Variants in SMAP1 observed in about 807,000 individuals in gnomAD.
The protein encoded by SMAP1 is small ArfGAP 1, also known as stromal membrane-associated protein 1.
In SMAP1, 24 loss-of-function variants were observed where a neutral mutation model predicts 58.5. That is an observed-to-expected ratio of 0.41 (90% CI 0.30 to 0.58). The LOEUF (loss-of-function observed/expected upper bound fraction) is 0.58, where lower values mean the gene tolerates loss of function less well. Ranked by LOEUF, SMAP1 falls within the 20% of genes least tolerant of loss-of-function variation. SMAP1 has a pLI of 0.29. For missense variants in SMAP1, 563 were observed against 566.3 expected (o/e 0.99, Z 0.06); for synonymous variants, 216 against 196.6 (o/e 1.10, Z -0.82).
chr6:70,745,848 G>C (rs960873737), intron 2 of SMAP1, among the ~76,000 whole-genome samples: 1 of 152,002 alleles, frequency 6.6e-6, no homozygotes, highest in Admixed American at 6.6e-5. Context: ...CTTTTATTTC[G>C]TTGAGCAGTG....
intron 6 of SMAP1, among the ~76,000 whole-genome samples, chr6:70,814,069 T>C (rs146743525): frequency 0.023 from 3,572 of 152,266 alleles, 51 homozygotes; most frequent in Non-Finnish European, 0.037. Flanking sequence ...TAAAAATGAT[T>C]GCACCTATTT....
chr6:70,747,588 A>G (rs1766097960), intron 2 of SMAP1, among the ~76,000 whole-genome samples: 1 of 152,176 alleles, frequency 6.6e-6, no homozygotes, highest in Non-Finnish European at 1.5e-5. Context: ...GCCTACAAAG[A>G]ATATATTGAG....
intron 4 of SMAP1, among the ~76,000 whole-genome samples, chr6:70,776,718 C>T (rs953605319): frequency 2.7e-4 from 41 of 152,250 alleles, no homozygotes; most frequent in African/African-American, 9.1e-4. Context: ...TCTTAGCTCA[C>T]ACAGAAGAAT....
chr6:70,698,874 C>T (rs904259271), intron 1 of SMAP1, among the ~76,000 whole-genome samples: 25 of 152,164 alleles, frequency 1.6e-4, no homozygotes, highest in African/African-American at 6.0e-4. Flanking sequence ...ATCTCTGTCA[C>T]TCTGGGATTG....
At chr6:70,827,500 T>G (rs1770184557) in intron 6 of SMAP1, among the ~76,000 whole-genome samples, 1 of 152,220 alleles carries the variant, frequency 6.6e-6, no homozygotes, top group Middle Eastern at 3.2e-3. Flanking sequence ...TATGCATGGC[T>G]GTAGCATAGA....
At chr6:70,697,819 C>T (rs1307895356) in intron 1 of SMAP1, among the ~76,000 whole-genome samples, 1 of 152,164 alleles carries the variant, frequency 6.6e-6, no homozygotes, top group East Asian at 1.9e-4. Flanking sequence ...TTAACTTCAT[C>T]CCCCACACTT....
Position 70,791,840 on chromosome 6 carries a change from C to T in SMAP1, c.495+71C>T. ...AAATTAACTTCCTTTTGCAGTGTGTCATTCGGGAACACTATAATAGTTGTT... is the reference window on the plus strand; with the variant it reads ...AAATTAACTTCCTTTTGCAGTGTGTTATTCGGGAACACTATAATAGTTGTT... On this transcript the variant is annotated intron_variant, in intron 5 of 10. Coordinates refer to ENST00000370455, the MANE Select transcript of SMAP1 (RefSeq NM_001044305.3). 2.4e-6 allele frequency: 3 copies of T among 1,252,386 alleles called. No individual in the cohort carries two copies. The South Asian group carries it at 3.8e-5, about 16-fold the overall frequency. The allele number at this position is 1,252,386 out of a possible 1,614,324, so 77.6% of individuals were successfully genotyped here.
rs996196522 is a variant in SMAP1, at chr6:70,710,405, C to T, written c.119-21973C>T. ...GCTCGGGAGGCTGAGGCAGGAGAATCGCTTGAACCCGAGATTGCGTAGGTT... is the reference window on the plus strand; with the variant it reads ...GCTCGGGAGGCTGAGGCAGGAGAATTGCTTGAACCCGAGATTGCGTAGGTT... On this transcript the variant is annotated intron_variant, in intron 1 of 10. Coordinates refer to ENST00000370455, the MANE Select transcript of SMAP1 (RefSeq NM_001044305.3). Among the ~76,000 whole-genome samples, 18 of 146,876 alleles carry T rather than the reference C, an allele frequency of 1.2e-4. No homozygotes were observed. The Admixed American group carries it at 1.3e-3, about 10-fold the overall frequency.
chr6:70,768,073 A>C, intron 3 of SMAP1, among the ~76,000 whole-genome samples: 1 of 152,126 alleles, frequency 6.6e-6, no homozygotes, highest in African/African-American at 2.4e-5. Context: ...GTGTATATTG[A>C]ACCAGCCTTA....
intron 6 of SMAP1, among the ~76,000 whole-genome samples, chr6:70,801,014 A>G (rs1396781635): frequency 6.6e-6 from 1 of 152,104 alleles, no homozygotes; most frequent in African/African-American, 2.4e-5. Context: ...ATGATTTATA[A>G]TCCTTTGGGT....
chr6:70,672,754 G>A (rs547948910), intron 1 of SMAP1, among the ~76,000 whole-genome samples: 3 of 152,228 alleles, frequency 2.0e-5, no homozygotes, highest in African/African-American at 7.2e-5. Flanking sequence ...CCTGTGAAAG[G>A]GAGTGGCATG....
intron 1 of SMAP1, among the ~76,000 whole-genome samples, chr6:70,683,774 C>T (rs1489329796): frequency 6.6e-6 from 1 of 152,134 alleles, no homozygotes; most frequent in Non-Finnish European, 1.5e-5. Flanking sequence ...TTTAGAGATA[C>T]AAGAGACCTG....
intron 1 of SMAP1, among the ~76,000 whole-genome samples, chr6:70,702,040 T>G (rs1195081745): frequency 2.0e-5 from 3 of 152,240 alleles, no homozygotes; most frequent in Non-Finnish European, 1.5e-5. Flanking sequence ...TTAAGATATT[T>G]TGCTGTTTGT....
intron 1 of SMAP1, among the ~76,000 whole-genome samples, chr6:70,707,797 G>T (rs1767897366): frequency 6.6e-6 from 1 of 151,996 alleles, no homozygotes; most frequent in African/African-American, 2.4e-5. Context: ...TAGAGATGGG[G>T]TTTCACTATG....
intron 1 of SMAP1, among the ~76,000 whole-genome samples, chr6:70,710,629 A>G (rs2149837349): frequency 6.6e-6 from 1 of 152,142 alleles, no homozygotes; most frequent in East Asian, 1.9e-4. Context: ...GGTGTAAGAC[A>G]TTACTGTAGG....
At chr6:70,694,169 A>G in intron 1 of SMAP1, 1 of 350,554 alleles carries the variant, frequency 2.9e-6, no homozygotes, top group Non-Finnish European at 5.6e-6. Context: ...ACCACAGCAA[A>G]GTCAGAAATC....
chr6:70,738,747 A>G (rs1270222456), intron 2 of SMAP1, among the ~76,000 whole-genome samples: 1 of 152,174 alleles, frequency 6.6e-6, no homozygotes, highest in Non-Finnish European at 1.5e-5. Context: ...AAGAGTATTG[A>G]TAGGTAACAT....
intron 7 of SMAP1, among the ~76,000 whole-genome samples, chr6:70,848,148 A>T (rs914264101): frequency 1.4e-4 from 22 of 152,136 alleles, no homozygotes; most frequent in African/African-American, 4.8e-4. Context: ...GATCAAAAGG[A>T]TGCATTTAAC....
intron 5 of SMAP1, 31 bp downstream of exon 5, chr6:70,791,800 G>A (rs774157598): frequency 1.3e-6 from 2 of 1,572,626 alleles, no homozygotes; most frequent in Non-Finnish European, 1.7e-6. Flanking sequence ...GCTACATTAT[G>A]TAGTGTTAAA....
Sources: allele counts gnomAD v4.1 joint callset (sites outside exome capture counted in the v4.1 genomes callset), GRCh38; gene constraint gnomAD v4.1.1; transcripts MANE v1.5; gene names NCBI Gene and HGNC (gene_info 2026-07-23, HGNC 2026-07-21).